The following SYN3 variants were observed in gnomAD, a reference collection of about 807,000 sequenced individuals.
SYN3 encodes synapsin III, also known as synapsin-3.
SYN3 carries 35 observed loss-of-function variants against 65.8 expected under a neutral mutation model. That is an observed-to-expected ratio of 0.53 (90% CI 0.41 to 0.70). The LOEUF is 0.70. Among genes scored for constraint, SYN3 ranks in the 30% least tolerant of loss-of-function variants. The pLI, the probability that SYN3 is intolerant of heterozygous loss-of-function variation, is 0.00. For synonymous variants in SYN3, 270 were observed against 292.9 expected, an observed-to-expected ratio of 0.92 and a Z score of 0.80; for missense variants, 680 against 749.0, an observed-to-expected ratio of 0.91 and a Z score of 1.08.
At chr22:32,820,007 A>G (rs1403757993) in intron 6 of SYN3, among the ~76,000 whole-genome samples, 1 of 152,130 alleles carries the variant, frequency 6.6e-6, no homozygotes, top group Admixed American at 6.5e-5. Context: ...GCCCAAGGGA[A>G]TCAGGGCCTT....
intron 6 of SYN3, chr22:32,833,776 A>T: frequency 4.0e-6 from 2 of 498,626 alleles, no homozygotes; most frequent in Middle Eastern, 6.4e-4. Context: ...AAGATGGGCT[A>T]ATGACAACAC....
At chr22:32,526,390 C>A in intron 12 of SYN3, among the ~76,000 whole-genome samples, 1 of 152,016 alleles carries the variant, frequency 6.6e-6, no homozygotes, top group East Asian at 1.9e-4. Flanking sequence ...GAAGAGGAAG[C>A]CATTTGGTGG....
chr22:32,508,303 C>T lies in SYN3; in HGVS notation c.*5389G>A, dbSNP rs533679047. Among the ~76,000 whole-genome samples the T allele has an allele frequency of 1.3e-4, 20 of 151,828 alleles. No homozygotes were observed. Among genetic ancestry groups the T allele is most frequent in the African/African-American group, 4.3e-4 (18 of 41,554 alleles). On this transcript the variant is annotated 3_prime_UTR_variant, in exon 14 of 14. Transcript: ENST00000358763. ...GCTCCCGCACTGAGCACCTTGTGAC[C>T]CCCGCCCCTGCCCACCAGAGAACAA... is the stretch of plus-strand genomic sequence containing the variant.
At chr22:33,045,569 GC>G (rs2054048263) in intron 1 of SYN3, among the ~76,000 whole-genome samples, 1 of 140,612 alleles carries the variant, frequency 7.1e-6, no homozygotes. Context: ...CCGGGTTCAT[GC>G]CGTTCTCCTG....
intron 6 of SYN3, among the ~76,000 whole-genome samples, chr22:32,687,689 C>A (rs992724880): frequency 2.6e-5 from 4 of 152,124 alleles, no homozygotes; most frequent in Non-Finnish European, 4.4e-5. Context: ...TATCACTCTC[C>A]CCCTTACTAT....
chr22:32,924,083 A>AC (rs1164018974), intron 4 of SYN3, among the ~76,000 whole-genome samples: 1 of 152,172 alleles, frequency 6.6e-6, no homozygotes, highest in Non-Finnish European at 1.5e-5. Context: ...TATCCAGTCT[A>AC]CCACTGATGG....
At chr22:32,630,851 A>C (rs1291192674) in intron 6 of SYN3, among the ~76,000 whole-genome samples, 4 of 152,178 alleles carry the variant, frequency 2.6e-5, no homozygotes, top group African/African-American at 7.2e-5. Flanking sequence ...CTGTTCTATG[A>C]GAAGCCAAAT....
At chr22:33,002,182 A>T (rs866346279) in intron 2 of SYN3, among the ~76,000 whole-genome samples, 23 of 152,328 alleles carry the variant, frequency 1.5e-4, no homozygotes, top group Middle Eastern at 3.4e-3. Flanking sequence ...ACCCTTAAGC[A>T]AGCAGCAACA....
chr22:32,683,355 C>A (rs1309187752), intron 6 of SYN3, among the ~76,000 whole-genome samples: 1 of 152,132 alleles, frequency 6.6e-6, no homozygotes, highest in East Asian at 1.9e-4. Flanking sequence ...AGAACTCTCT[C>A]CTCTCTAGGC....
intron 6 of SYN3, among the ~76,000 whole-genome samples, chr22:32,760,585 G>A (rs939224416): frequency 6.6e-6 from 1 of 152,020 alleles, no homozygotes; most frequent in African/African-American, 2.4e-5. Context: ...AGGGCCCCCC[G>A]TGGGCAGAGC....
intron 4 of SYN3, among the ~76,000 whole-genome samples, chr22:32,881,055 TCCA>T: frequency 6.6e-6 from 1 of 152,166 alleles, no homozygotes; most frequent in South Asian, 2.1e-4. Context: ...CTGCCTGAGC[TCCA>T]GCGCTGTCAG....
chr22:32,700,127 A>C (rs1292459243), intron 6 of SYN3, among the ~76,000 whole-genome samples: 3 of 152,132 alleles, frequency 2.0e-5, no homozygotes, highest in Admixed American at 2.0e-4. Context: ...AGGCTTTCAG[A>C]TGCTTCCTCT....
At chr22:32,615,748 C>T (rs910009816) in intron 6 of SYN3, among the ~76,000 whole-genome samples, 5 of 152,178 alleles carry the variant, frequency 3.3e-5, no homozygotes, top group African/African-American at 4.8e-5. Context: ...TAACACAGGC[C>T]GCTTTTTCCC....
chr22:32,516,682 T>G (rs2057783114), intron 13 of SYN3, among the ~76,000 whole-genome samples: 1 of 152,364 alleles, frequency 6.6e-6, no homozygotes, highest in African/African-American at 2.4e-5. Flanking sequence ...CTTTTAGATC[T>G]TTGAACTATG....
At chr22:32,611,394 G>C (rs1290060147) in intron 6 of SYN3, among the ~76,000 whole-genome samples, 3 of 146,972 alleles carry the variant, frequency 2.0e-5, no homozygotes, top group African/African-American at 7.5e-5. Context: ...CCCAGATTCA[G>C]ATGATTCTCC....
chr22:32,525,807 C>T (rs1156695967), intron 12 of SYN3, among the ~76,000 whole-genome samples: 2 of 151,988 alleles, frequency 1.3e-5, no homozygotes, highest in Non-Finnish European at 2.9e-5. Flanking sequence ...GCAGGTTTTG[C>T]GAGGACTGAC....
intron 1 of SYN3, among the ~76,000 whole-genome samples, chr22:33,023,976 G>T (rs1489320074): frequency 6.6e-6 from 1 of 152,104 alleles, no homozygotes; most frequent in Non-Finnish European, 1.5e-5. Context: ...CATCTAGAAC[G>T]CTGGCCTCTC....
intron 5 of SYN3, among the ~76,000 whole-genome samples, chr22:32,868,368 A>G (rs569361554): frequency 5.2e-4 from 79 of 151,310 alleles, no homozygotes; most frequent in Non-Finnish European, 8.1e-4. Context: ...TATATGTAAT[A>G]TCATATATCA....
intron 6 of SYN3, among the ~76,000 whole-genome samples, chr22:32,788,934 C>T (rs1388019781): frequency 1.3e-5 from 2 of 152,120 alleles, no homozygotes; most frequent in Non-Finnish European, 2.9e-5. Context: ...ACTCGGGACA[C>T]CTCTGACTTC....
Sources: gnomAD v4.1 joint callset for allele counts (sites outside exome capture counted in the v4.1 genomes callset) on GRCh38, gnomAD v4.1.1 for gene constraint, MANE v1.5 for transcripts, NCBI Gene and HGNC (gene_info 2026-07-23, HGNC 2026-07-21) for gene names.